SDK2: variants seen among roughly 807,000 people sequenced by gnomAD.
SDK2 encodes the protein sidekick cell adhesion molecule 2, also known as protein sidekick-2.
Under a neutral mutation model 253.9 loss-of-function variants are expected in SDK2, and 105 were observed. The observed-to-expected ratio is 0.41, with a 90% confidence interval of 0.35 to 0.49. SDK2 has a LOEUF of 0.49. Among genes scored for constraint, SDK2 ranks in the 20% least tolerant of loss-of-function variants. The pLI is 0.06. For synonymous variants in SDK2, 1,249 were observed against 1,234.9 expected (o/e 1.01, Z -0.24); for missense variants, 2,608 against 3,003.0 (o/e 0.87, Z 3.07).
At chr17:73,366,108 G>A (rs1374457929) in intron 37 of SDK2, among the ~76,000 whole-genome samples, 3 of 152,162 alleles carry the variant, frequency 2.0e-5, no homozygotes, top group Non-Finnish European at 4.4e-5. Flanking sequence ...ATTGTCCGGC[G>A]CTGCCTCCCC....
At chr17:73,527,347 G>A (rs1284711770) in intron 1 of SDK2, among the ~76,000 whole-genome samples, 1 of 152,190 alleles carries the variant, frequency 6.6e-6, no homozygotes, top group Non-Finnish European at 1.5e-5. Context: ...GTGTGCAGAT[G>A]ACAGTGGGAA....
At chr17:73,513,672 A>G (rs1484024110) in intron 1 of SDK2, 1 of 152,224 alleles carries the variant, frequency 6.6e-6, no homozygotes, top group Admixed American at 6.5e-5. Context: ...TATAACAGCA[A>G]AAGCTTGGAA....
intron 3 of SDK2, among the ~76,000 whole-genome samples, chr17:73,468,164 G>C (rs1299025222): frequency 2.0e-5 from 3 of 152,168 alleles, no homozygotes; most frequent in Non-Finnish European, 4.4e-5. Flanking sequence ...ACCGGGGAAG[G>C]TGCCAGCCTG....
At chr17:73,571,285 G>T (rs74715277) in intron 1 of SDK2, among the ~76,000 whole-genome samples, 3 of 152,146 alleles carry the variant, frequency 2.0e-5, no homozygotes, top group African/African-American at 7.2e-5. Context: ...TGACAGAGGA[G>T]CCCCCTGAGC....
At chr17:73,442,333 G>A (rs2063422380) in intron 5 of SDK2, among the ~76,000 whole-genome samples, 1 of 142,950 alleles carries the variant, frequency 7.0e-6, no homozygotes, top group Admixed American at 7.4e-5. Context: ...GGCACCAAGA[G>A]CTGACTCATG....
intron 1 of SDK2, among the ~76,000 whole-genome samples, chr17:73,515,190 G>A (rs1203945893): frequency 6.6e-6 from 1 of 152,190 alleles, no homozygotes; most frequent in African/African-American, 2.4e-5. Flanking sequence ...CTGCCACATA[G>A]ACATAAGCCA....
At chr17:73,578,473 G>T (rs1452227275) in intron 1 of SDK2, among the ~76,000 whole-genome samples, 1 of 152,164 alleles carries the variant, frequency 6.6e-6, no homozygotes, top group African/African-American at 2.4e-5. Flanking sequence ...GGGTCATTTT[G>T]TTACAGCATC....
At chr17:73,462,538 G>T (rs1157964635) in intron 3 of SDK2, among the ~76,000 whole-genome samples, 1 of 151,994 alleles carries the variant, frequency 6.6e-6, no homozygotes, top group Admixed American at 6.5e-5. Flanking sequence ...ATGAATGGTT[G>T]TATATGTTTG....
chr17:73,616,239 A>G lies in SDK2; in HGVS notation c.64+27786T>C, dbSNP rs947287543. Among the ~76,000 whole-genome samples, 8 of 152,110 alleles carry G rather than the reference A, an allele frequency of 5.3e-5. No individual in the cohort carries two copies. The highest frequency in any genetic ancestry group is 1.7e-4 in the African/African-American group (7 of 41,398). On this transcript the variant is annotated intron_variant, in intron 1 of 44. Coordinates refer to ENST00000392650, the MANE Select transcript of SDK2 (RefSeq NM_001144952.2). This position sits in a 1 kb window ranked among gnomAD's most constrained non-coding sequence, Gnocchi z 5.2. ...GGGCACTGTGAACCTTGTGCTCGGC[A>G]GCCCCAGGCATCCCGGTGCTGCTTG...
At position 73,465,589 on chromosome 17, in the gene SDK2, G is replaced by T. The variant is rs1353685407; in HGVS notation, c.331+6523C>A. ...AAACACAAAGAAGAGACTCCAAGTG[G>T]GGACAGGAAGGGGCTGGGGAGGGGG... On this transcript the variant is annotated intron_variant, in intron 3 of 44. Transcript: ENST00000392650. The surrounding 1 kb of genome is among the most constrained non-coding windows in gnomAD (Gnocchi z 4.2). Among the ~76,000 whole-genome samples the T allele has an allele frequency of 6.6e-6, 1 of 152,174 alleles. No individual in the cohort carries two copies. The highest frequency in any genetic ancestry group is 2.4e-5 in the African/African-American group (1 of 41,442).
intron 1 of SDK2, among the ~76,000 whole-genome samples, chr17:73,634,872 C>T (rs2046311208): frequency 6.6e-6 from 1 of 152,150 alleles, no homozygotes; most frequent in African/African-American, 2.4e-5. Context: ...CTGTTATCCT[C>T]GTTTTACAGA....
Position 73,507,657 on chromosome 17 carries a change from C to T in SDK2, c.65-60G>A, listed in dbSNP as rs146143609. ...ACTTGCTCACCTATGTGACCTGGTG[C>T]GTTTAGTATCCTAAGGCCCTTAGGC... On this transcript the variant is annotated intron_variant, in intron 1 of 44. Coordinates refer to ENST00000392650, the MANE Select transcript of SDK2 (RefSeq NM_001144952.2). 2,669 of 1,508,090 alleles carry T rather than the reference C, an allele frequency of 1.8e-3. 5 individuals are homozygous for T. Among genetic ancestry groups the T allele is most frequent in the Non-Finnish European group, 2.2e-3 (2,485 of 1,119,210 alleles). 93.4% of individuals were successfully genotyped at this position (1,508,090 alleles called of 1,614,324 possible).
chr17:73,445,418 A>G (rs1462275401), intron 5 of SDK2, among the ~76,000 whole-genome samples: 2 of 152,180 alleles, frequency 1.3e-5, no homozygotes, highest in East Asian at 1.9e-4. Flanking sequence ...CCACCCAAGC[A>G]TGGGGTTTTC....
Position 73,431,493 on chromosome 17 carries a change from C to T in SDK2, c.1480+9G>A, listed in dbSNP as rs906977164. ...AAATGTATAAAGCCCTGTGGCTCTG[C>T]ACACTCACCCCAAACGACTAGGTCT... On this transcript the variant is annotated intron_variant, in intron 11 of 44. Coordinates refer to ENST00000392650, the MANE Select transcript of SDK2 (RefSeq NM_001144952.2). This position sits in a 1 kb window ranked among gnomAD's most constrained non-coding sequence, Gnocchi z 5.6. The T allele has an allele frequency of 4.4e-6, 7 of 1,607,660 alleles. No homozygotes were observed. The highest frequency in any genetic ancestry group is 5.9e-6 in the Non-Finnish European group (7 of 1,177,356).
intron 2 of SDK2, among the ~76,000 whole-genome samples, chr17:73,506,027 T>TC (rs2063933246): frequency 6.6e-6 from 1 of 152,156 alleles, no homozygotes; most frequent in Admixed American, 6.5e-5. Context: ...CCTCCTCCCC[T>TC]CCTCCTGGAT....
chr17:73,493,338 C>T (rs1001625297), intron 2 of SDK2, among the ~76,000 whole-genome samples: 1 of 152,166 alleles, frequency 6.6e-6, no homozygotes, highest in East Asian at 1.9e-4. Flanking sequence ...TCATTAAAGG[C>T]GGCGGCGAGT....
At chr17:73,425,162 G>A (rs1266240415) in intron 12 of SDK2, among the ~76,000 whole-genome samples, 1 of 152,126 alleles carries the variant, frequency 6.6e-6, no homozygotes, top group African/African-American at 2.4e-5. Flanking sequence ...GGAGGTTGCG[G>A]GGAGCCGAGA....
chr17:73,425,666 C>A (rs1005756256), intron 12 of SDK2, among the ~76,000 whole-genome samples: 5 of 152,132 alleles, frequency 3.3e-5, no homozygotes, highest in Middle Eastern at 3.2e-3. Flanking sequence ...CACCACCACG[C>A]CCGACTAATT....
Position 73,481,737 on chromosome 17 carries a change from C to G in SDK2, c.225-9519G>C, listed in dbSNP as rs2063725743. The stretch of plus-strand genomic sequence containing the variant: ...CTTCTCCTGCCCTTGGACGCTGGGG[C>G]TCCTGGTTCCCGGCCTGCAGACTCT... On this transcript the variant is annotated intron_variant, in intron 2 of 44. Transcript: ENST00000392650. The surrounding 1 kb of genome is among the most constrained non-coding windows in gnomAD (Gnocchi z 4.5). Among the ~76,000 whole-genome samples the G allele has an allele frequency of 6.6e-6, 1 of 152,146 alleles. No homozygotes were observed. Among genetic ancestry groups the G allele is most frequent in the African/African-American group, 2.4e-5 (1 of 41,434 alleles).
Sources: allele counts gnomAD v4.1 joint callset (sites outside exome capture counted in the v4.1 genomes callset), GRCh38; gene constraint gnomAD v4.1.1; non-coding constraint Gnocchi (gnomAD v3.1); transcripts MANE v1.5; gene names NCBI Gene and HGNC (gene_info 2026-07-23, HGNC 2026-07-21).